CLPTM1: variants seen among roughly 807,000 people sequenced by gnomAD.
CLPTM1 encodes putative lipid scramblase CLPTM1.
A neutral mutation model predicts 77.3 loss-of-function variants in CLPTM1; 21 were observed. The observed-to-expected ratio is 0.27, with a 90% CI of 0.19 to 0.39. CLPTM1 has a LOEUF of 0.39. Among genes scored for constraint, CLPTM1 ranks in the 10% least tolerant of loss-of-function variants. The pLI is 1.00. For synonymous variants in CLPTM1, 373 were observed against 381.0 expected (o/e 0.98, Z 0.24); for missense variants, 642 against 921.2 (o/e 0.70, Z 3.92).
Position 44,992,803 on chromosome 19 carries a change from C to A in CLPTM1, c.1916C>A (p.Thr639Lys). The A allele has an allele frequency of 1.2e-6, 2 of 1,613,462 alleles. No individual in the cohort carries two copies. Among genetic ancestry groups the A allele is most frequent in the African/African-American group, 1.3e-5 (1 of 75,030 alleles). ...ACCGCCACCAGGGAGGAGGCCTCCA[C>A]GTCCCTGCCCACCAAGCCCACCCAG... ...TTTATREEAS[T>K]SLPTKPTQGA... The change falls in exon 14 of 14, where the codon ACG becomes AAG. Residue 639 changes from threonine to lysine, a missense_variant. Transcript: ENST00000337392. This position sits in a 1 kb window ranked among gnomAD's most constrained non-coding sequence, Gnocchi z 7.7.
chr19:44,980,799 T>A (rs542172240), intron 5 of CLPTM1, among the ~76,000 whole-genome samples: 177 of 151,216 alleles, frequency 1.2e-3, no homozygotes, highest in Middle Eastern at 0.01. Flanking sequence ...CAAAAAAAAA[T>A]TTTATTTTAT....
Position 44,986,699 on chromosome 19 carries a change from T to C in CLPTM1, c.793+124T>C, listed in dbSNP as rs1970983726. The C allele has an allele frequency of 3.2e-6, 4 of 1,257,960 alleles. No homozygotes were observed. The South Asian group carries it at 4.4e-5, about 14-fold the overall frequency. The allele number at this position is 1,257,960 out of a possible 1,614,324, so 77.9% of individuals were successfully genotyped here. On this transcript the variant is annotated intron_variant, in intron 7 of 13. Coordinates refer to ENST00000337392, the MANE Select transcript of CLPTM1 (RefSeq NM_001294.4). ...TTTCCAGGGCTCCACCCTCCCAAGC[T>C]CCCACCCTGTCCTATCCCCTTCCCA... is the stretch of plus-strand genomic sequence containing the variant.
rs777671708 is a variant in CLPTM1 at position 44,982,945 on chromosome 19, C to T, written c.587-2273C>T. Among the ~76,000 whole-genome samples the T allele has an allele frequency of 2.6e-5, 4 of 151,874 alleles. No homozygotes were observed. In the South Asian group the frequency reaches 6.2e-4, roughly 24 times the overall value. ...TCATGGTGGTGGATGCCTGTAATCC[C>T]GGCTACTCGGGAGGCTGAGGCAGGA... On this transcript the variant is annotated intron_variant, in intron 5 of 13. Coordinates refer to ENST00000337392, the MANE Select transcript of CLPTM1 (RefSeq NM_001294.4).
intron 4 of CLPTM1, 135 bp downstream of exon 4, chr19:44,974,732 C>T: frequency 1.0e-6 from 1 of 954,086 alleles, no homozygotes; most frequent in Non-Finnish European, 1.5e-6. Flanking sequence ...CTCACATGGT[C>T]TGTGACCACA....
Position 44,992,652 on chromosome 19 carries a change from C to G in CLPTM1, c.1765C>G (p.Arg589Gly). The G allele has an allele frequency of 2.5e-6, 4 of 1,613,950 alleles. No homozygotes were observed. Among genetic ancestry groups the G allele is most frequent in the Admixed American group, 1.7e-5 (1 of 60,026 alleles). The change falls in exon 14 of 14, where the codon CGC becomes GGC. Residue 589 changes from arginine (R) to glycine (G), a missense_variant. By Grantham distance (125) the Arg-to-Gly change is moderately radical (BLOSUM62 -2). Transcript: ENST00000337392. The surrounding 1 kb of genome is among the most constrained non-coding windows in gnomAD (Gnocchi z 7.7). ...CTACCTCTACCAACGGTGGATCTAC[C>G]GCGTCGACCCCACCCGAGTCAACGA... Reference protein sequence around the residue: ...FIYLYQRWIYRVDPTRVNEFG... With the variant: ...FIYLYQRWIYGVDPTRVNEFG...
At chr19:44,954,707 G>C (rs1599999807), upstream of CLPTM1, 2 of 1,199,980 alleles carry the variant, frequency 1.7e-6, no homozygotes, top group Non-Finnish European at 2.1e-6. Context: ...GCGAGGTTTG[G>C]ACCACTGAGG....
intron 1 of CLPTM1, among the ~76,000 whole-genome samples, chr19:44,958,024 G>A (rs1309189327): frequency 1.3e-5 from 2 of 152,244 alleles, no homozygotes; most frequent in East Asian, 1.9e-4. Context: ...ATGGCTCTGC[G>A]TGCCATGGAC....
chr19:44,963,241 GA>G (rs1162216816), intron 2 of CLPTM1, among the ~76,000 whole-genome samples: 1 of 145,110 alleles, frequency 6.9e-6, no homozygotes, highest in East Asian at 2.0e-4. Context: ...CAGGTATGGT[GA>G]CACGTACCTG....
chr19:44,964,298 CTTTTTTTTT>C (rs35539206), intron 2 of CLPTM1, among the ~76,000 whole-genome samples: 25 of 68,152 alleles, frequency 3.7e-4, no homozygotes, highest in Admixed American at 6.5e-4. Context: ...TCATTTTAAC[CTTTTTTTTT>C]TTTTTTTTTT....
chr19:44,964,925 G>C (rs1970603476), intron 2 of CLPTM1, among the ~76,000 whole-genome samples: 1 of 152,116 alleles, frequency 6.6e-6, no homozygotes, highest in Admixed American at 6.6e-5. Flanking sequence ...CCCAGGGCCT[G>C]TTTTTTCAAA....
At chr19:44,986,319 T>G (rs1210606513) in intron 6 of CLPTM1, 136 bp from the exon 7 acceptor site, 42 of 1,169,378 alleles carry the variant, frequency 3.6e-5, no homozygotes, top group Non-Finnish European at 4.8e-5. Context: ...GGCAGCATAG[T>G]GAGACCCCAT....
chr19:44,977,189 C>T lies in CLPTM1; in HGVS notation c.469-154C>T, dbSNP rs191377034. On this transcript the variant is annotated intron_variant, in intron 4 of 13. Coordinates refer to ENST00000337392, the MANE Select transcript of CLPTM1 (RefSeq NM_001294.4). ...CTGTCTGACTCCAGCATTTACCTCT[C>T]TGCCACCCAGCTACATGCCCCACCC... Among the ~76,000 whole-genome samples the T allele has an allele frequency of 3.9e-3, 600 of 152,288 alleles. 5 individuals carry two copies. Among genetic ancestry groups the T allele is most frequent in the African/African-American group, 0.014 (574 of 41,560 alleles).
rs1971010483 is a variant in CLPTM1 at position 44,988,085 on chromosome 19, C to T, written c.1044C>T (p.Ala348=). Reference sequence around the variant, plus strand: ...CTCACATGTGTCCCCTGCAGGTGGCCCTGCTGGAGACCAACCCCTACCTGC... The same window carrying T: ...CTCACATGTGTCCCCTGCAGGTGGCTCTGCTGGAGACCAACCCCTACCTGC... ...SDEEQDSVKV[A]LLETNPYLLA... The change falls in exon 9 of 14, where the codon GCC becomes GCT. Residue 348 remains alanine, a synonymous_variant. Transcript: ENST00000337392. 2 of 1,613,184 alleles carry T rather than the reference C, an allele frequency of 1.2e-6. No individual in the cohort carries two copies. Among genetic ancestry groups the T allele is most frequent in the Non-Finnish European group, 1.7e-6 (2 of 1,179,184 alleles).
Position 44,986,475 on chromosome 19 carries a change from T to G in CLPTM1, c.693T>G (p.Pro231=). 6.2e-7 allele frequency: 1 copy of G among 1,614,116 alleles called. No individual in the cohort carries two copies. The highest frequency in any genetic ancestry group is 8.5e-7 in the Non-Finnish European group (1 of 1,179,994). The change falls in exon 7 of 14, where the codon CCT becomes CCG. Residue 231 remains proline (P), a synonymous_variant. Transcript: ENST00000337392. The part of the protein sequence containing the change: ...EMIKRAEDYG[P]VEVISHWHPN... ...CTCAGAGGGCTGAGGACTATGGGCC[T>G]GTGGAGGTGATCTCCCATTGGCACC...
chr19:44,962,848 G>A (rs895234289), intron 2 of CLPTM1, among the ~76,000 whole-genome samples: 1 of 151,796 alleles, frequency 6.6e-6, no homozygotes. Context: ...GGTGGATCAC[G>A]AGGTCAAGAG....
chr19:44,959,260 G>A (rs1970508371), intron 1 of CLPTM1, among the ~76,000 whole-genome samples: 2 of 150,808 alleles, frequency 1.3e-5, no homozygotes, highest in South Asian at 2.1e-4. Flanking sequence ...GGGTCTCCCT[G>A]TGTTGCTCAG....
intron 1 of CLPTM1, 48 bp downstream of exon 1, chr19:44,955,515 G>T (rs1970448507): frequency 1.6e-6 from 2 of 1,259,736 alleles, no homozygotes; most frequent in Non-Finnish European, 1.0e-6. Flanking sequence ...CAGCCGGGGG[G>T]CCTCCCACGG....
chr19:44,988,583 C>T (rs1971020456), intron 9 of CLPTM1, among the ~76,000 whole-genome samples: 1 of 152,232 alleles, frequency 6.6e-6, no homozygotes, highest in Admixed American at 6.5e-5. Context: ...CCCCAAAGGT[C>T]CCTAGGTTCT....
At position 44,992,298 on chromosome 19, in the gene CLPTM1, T is replaced by C; in HGVS notation, c.1621T>C (p.Trp541Arg). 1 of 1,614,120 alleles carries C rather than the reference T, an allele frequency of 6.2e-7. No individual in the cohort carries two copies. Among genetic ancestry groups the C allele is most frequent in the Non-Finnish European group, 8.5e-7 (1 of 1,179,986 alleles). The change falls in exon 13 of 14, where the codon TGG becomes CGG. Residue 541 changes from tryptophan to arginine, a missense_variant. Physicochemically the swap from Trp to Arg is moderately radical, Grantham distance 101. Transcript: ENST00000337392. The surrounding 1 kb of genome is among the most constrained non-coding windows in gnomAD (Gnocchi z 7.7). ...YKLKSVAHLP[W>R]RMLTYKALNT... ...GCTCAAGTCTGTGGCCCACCTTCCC[T>C]GGCGCATGCTCACCTACAAGGCCCT...
Sources: gnomAD v4.1 joint callset for allele counts (sites outside exome capture counted in the v4.1 genomes callset) on GRCh38, gnomAD v4.1.1 for gene constraint, Gnocchi (gnomAD v3.1) non-coding constraint, MANE v1.5 for transcripts, NCBI Gene and HGNC (gene_info 2026-07-23, HGNC 2026-07-21) for gene names.